Variants in ADAM12 observed in about 807,000 individuals in gnomAD.
The protein encoded by ADAM12 is disintegrin and metalloproteinase domain-containing protein 12.
Under a neutral mutation model 106.4 loss-of-function variants are expected in ADAM12, and 70 were observed. The ratio of observed to expected loss-of-function variants is 0.66; its 90% confidence interval spans 0.54 to 0.80. The LOEUF is 0.80. ADAM12 is among the 30% of genes least tolerant of loss of function. ADAM12 has a pLI of 0.00. For synonymous variants in ADAM12, 420 were observed against 433.5 expected (o/e 0.97, Z 0.39); for missense variants, 1,010 against 1,171.9 (o/e 0.86, Z 2.02).
rs58488226 is a variant in ADAM12 at position 126,284,332 on chromosome 10, CAAAAAA to C, written c.187-5350_187-5345del. ...TGGATGACAGAGCAAGACTCCATCT[CAAAAAA>C]AAAAAAAAAAAAAAAAAAAAGACCT... On this transcript the variant is annotated intron_variant, in intron 2 of 22. Transcript: ENST00000448723. 9.0e-4 allele frequency among the ~76,000 whole-genome samples: 42 copies of C among 46,528 alleles called. 1 individual carries two copies. In the South Asian group the frequency reaches 0.011, roughly 13 times the overall value. 30.5% of individuals were successfully genotyped at this position (46,528 alleles called of 152,430 possible). A position where few individuals can be genotyped will look rare whatever the true frequency, so the allele number is the denominator to read the frequency against.
intron 9 of ADAM12, among the ~76,000 whole-genome samples, chr10:126,099,309 G>T (rs1955614434): frequency 6.6e-6 from 1 of 152,072 alleles, no homozygotes; most frequent in African/African-American, 2.4e-5. Flanking sequence ...AGATATTTTA[G>T]CTATGGTCAA....
chr10:126,188,330 T>TC (rs58780720), intron 3 of ADAM12, among the ~76,000 whole-genome samples: 48,117 of 152,066 alleles, frequency 0.32, 10,938 homozygotes, highest in African/African-American at 0.63. Context: ...GCTCTAATTC[T>TC]TTGGCCACAT....
At chr10:126,251,892 G>GGATGGGAT in intron 3 of ADAM12, among the ~76,000 whole-genome samples, 1 of 102,996 alleles carries the variant, frequency 9.7e-6, no homozygotes, top group African/African-American at 4.0e-5. Context: ...TGCAATGGAT[G>GGATGGGAT]GATGGGATGG....
chr10:126,357,762 C>T (rs1246753506), intron 1 of ADAM12, among the ~76,000 whole-genome samples: 2 of 152,102 alleles, frequency 1.3e-5, no homozygotes, highest in Non-Finnish European at 2.9e-5. Flanking sequence ...ATCACAAGAA[C>T]AGCAGCATGG....
At chr10:126,367,920 C>A (rs1383763753) in intron 1 of ADAM12, among the ~76,000 whole-genome samples, 2 of 151,802 alleles carry the variant, frequency 1.3e-5, no homozygotes, top group Admixed American at 6.6e-5. Flanking sequence ...AAAACCTTAA[C>A]TTATGAGGCC....
chr10:126,053,259 CT>C lies in ADAM12; in HGVS notation c.1610-3591del, dbSNP rs984407485. Among the ~76,000 whole-genome samples, 2 of 152,106 alleles carry C rather than the reference CT, an allele frequency of 1.3e-5. No homozygotes were observed. Among genetic ancestry groups the C allele is most frequent in the African/African-American group, 4.8e-5 (2 of 41,430 alleles). The stretch of plus-strand genomic sequence containing the variant: ...CTGCAGAACCAAGAACCAATTAAAC[CT>C]TTTTTCTTTATAAATTACCCAGTCT... On this transcript the variant is annotated intron_variant, in intron 14 of 22. Coordinates refer to ENST00000448723, the MANE Select transcript of ADAM12 (RefSeq NM_001288973.2). The surrounding 1 kb of genome is among the most constrained non-coding windows in gnomAD (Gnocchi z 4.6).
intron 2 of ADAM12, among the ~76,000 whole-genome samples, chr10:126,288,345 T>C (rs1352267717): frequency 1.3e-5 from 2 of 152,124 alleles, no homozygotes; most frequent in East Asian, 1.9e-4. Context: ...GAATGCATGT[T>C]CCCAGGCTGG....
intron 3 of ADAM12, among the ~76,000 whole-genome samples, chr10:126,172,040 T>G (rs1037877167): frequency 1.3e-5 from 2 of 152,176 alleles, no homozygotes; most frequent in African/African-American, 4.8e-5. Flanking sequence ...AAGATGTAAT[T>G]TATAATGATC....
At position 126,031,014 on chromosome 10, in the gene ADAM12, G is replaced by C. The variant is rs374281862; in HGVS notation, c.2529+5132C>G. ...TGCCTGGGATCAGTCTATGCCTTCA[G>C]AAGTAGGGCAGAGCTGGCATACTGG... On this transcript the variant is annotated intron_variant, in intron 21 of 22. Coordinates refer to ENST00000448723, the MANE Select transcript of ADAM12 (RefSeq NM_001288973.2). Among the ~76,000 whole-genome samples, 9 of 152,332 alleles carry C rather than the reference G, an allele frequency of 5.9e-5. No individual in the cohort carries two copies. The East Asian group carries it at 1.2e-3, about 20-fold the overall frequency.
chr10:126,235,446 C>T (rs1490055793), intron 3 of ADAM12, among the ~76,000 whole-genome samples: 7 of 152,170 alleles, frequency 4.6e-5, no homozygotes, highest in East Asian at 1.9e-4. Flanking sequence ...GAGCGCGGAC[C>T]GCTGGGCTCC....
At chr10:126,051,033 G>A (rs1473509663) in intron 14 of ADAM12, among the ~76,000 whole-genome samples, 2 of 151,966 alleles carry the variant, frequency 1.3e-5, no homozygotes, top group Admixed American at 1.3e-4. Flanking sequence ...CTCACAGTAG[G>A]ATGACACCAC....
At chr10:126,226,079 C>A (rs1958188447) in intron 3 of ADAM12, among the ~76,000 whole-genome samples, 1 of 151,924 alleles carries the variant, frequency 6.6e-6, no homozygotes, top group Non-Finnish European at 1.5e-5. Context: ...TGGCACAGAC[C>A]ACCCGTGCAA....
At chr10:126,092,413 A>G (rs887900328) in intron 11 of ADAM12, among the ~76,000 whole-genome samples, 2 of 152,212 alleles carry the variant, frequency 1.3e-5, no homozygotes, top group Non-Finnish European at 2.9e-5. Flanking sequence ...AGGCATCTAT[A>G]GGCCCTTGGC....
At chr10:126,201,718 C>G (rs947009836) in intron 3 of ADAM12, among the ~76,000 whole-genome samples, 2 of 152,054 alleles carry the variant, frequency 1.3e-5, no homozygotes, top group South Asian at 4.1e-4. Flanking sequence ...AGCTGAGAAG[C>G]CATTCTTAGA....
intron 3 of ADAM12, among the ~76,000 whole-genome samples, chr10:126,260,566 G>GA (rs11434836): frequency 0.77 from 117,230 of 152,122 alleles, 45,871 homozygotes; most frequent in East Asian, 0.85. Flanking sequence ...CCCTCATTCT[G>GA]AACATACAGA....
intron 5 of ADAM12, among the ~76,000 whole-genome samples, chr10:126,130,109 G>A (rs1226261886): frequency 1.3e-5 from 2 of 152,040 alleles, no homozygotes; most frequent in Non-Finnish European, 2.9e-5. Flanking sequence ...ATATGTTTCT[G>A]GAGCACACCA....
At chr10:126,349,047 A>C (rs1855257169) in intron 1 of ADAM12, among the ~76,000 whole-genome samples, 1 of 152,218 alleles carries the variant, frequency 6.6e-6, no homozygotes, top group African/African-American at 2.4e-5. Flanking sequence ...CAAAATTTGA[A>C]GTTAACATGA....
At chr10:126,147,350 GA>G (rs1296082923) in intron 4 of ADAM12, among the ~76,000 whole-genome samples, 1 of 152,146 alleles carries the variant, frequency 6.6e-6, no homozygotes, top group African/African-American at 2.4e-5. Flanking sequence ...CAGAGCAGGG[GA>G]CCCTCCCTCT....
At chr10:126,281,338 GCA>G (rs1411949918) in intron 2 of ADAM12, among the ~76,000 whole-genome samples, 4 of 152,192 alleles carry the variant, frequency 2.6e-5, no homozygotes, top group South Asian at 2.1e-4. Flanking sequence ...AGATATCAAT[GCA>G]CAGATCACAT....
Sources: gnomAD v4.1 joint callset for allele counts (sites outside exome capture counted in the v4.1 genomes callset) on GRCh38, gnomAD v4.1.1 for gene constraint, Gnocchi (gnomAD v3.1) non-coding constraint, MANE v1.5 for transcripts, NCBI Gene and HGNC (gene_info 2026-07-23, HGNC 2026-07-21) for gene names.